REV1: variants seen among roughly 807,000 people sequenced by gnomAD.
REV1 encodes REV1 DNA directed polymerase, also known as translesion synthesis protein REV1.
REV1 carries 42 observed loss-of-function variants against 137.4 expected under a neutral mutation model. The observed-to-expected ratio is 0.31, with a 90% CI of 0.24 to 0.40. REV1 has a LOEUF of 0.40. Ranked by LOEUF, REV1 falls within the 10% of genes least tolerant of loss-of-function variation. The pLI is 1.00. For missense variants in REV1, 1,282 were observed against 1,490.1 expected, an observed-to-expected ratio of 0.86 and a Z score of 2.30; for synonymous variants, 524 against 519.2, an observed-to-expected ratio of 1.01 and a Z score of -0.12.
chr2:99,439,986 C>CA (rs1202397940), intron 5 of REV1, among the ~76,000 whole-genome samples: 1 of 152,102 alleles, frequency 6.6e-6, no homozygotes, highest in African/African-American at 2.4e-5. Flanking sequence ...AAAGCCATGT[C>CA]AATGTGTGGG....
chr2:99,438,812 C>T lies in REV1; in HGVS notation c.1002G>A (p.Lys334=). 1 of 1,614,204 alleles carries T rather than the reference C, an allele frequency of 6.2e-7. No homozygotes were observed. The change falls in exon 6 of 23, where the codon AAG becomes AAA. Residue 334 remains lysine (K), a synonymous_variant. Transcript: ENST00000258428. ...KSTSSVSTFS[K]AAPSVPSKPS... is the part of the protein sequence containing the mutation. The stretch of plus-strand genomic sequence containing the variant: ...GTTTGGATGGCACTGAAGGTGCTGC[C>T]TTGCTAAACGTAGATACTGAAGAAG...
intron 10 of REV1, among the ~76,000 whole-genome samples, 195 bp from the exon 11 acceptor site, chr2:99,421,848 T>C (rs959731273): frequency 6.6e-6 from 1 of 152,182 alleles, no homozygotes. Context: ...TTCTCCTTAT[T>C]AACTACCAAA....
In REV1 at chr2:99,439,058, C is replaced by T. The variant is rs201470289; in HGVS notation, c.756G>A (p.Arg252=). ...CCTCCTGGGAAAAGGCTGGAGAAAG[C>T]CTGCTGGCAACACTGTTGACCATGG... The part of the protein sequence containing the change: ...LVPMVNSVAS[R]LSPAFSQEED... The change falls in exon 6 of 23, where the codon AGG becomes AGA. Residue 252 remains arginine, a synonymous_variant. Coordinates refer to ENST00000258428, the MANE Select transcript of REV1 (RefSeq NM_016316.4). 6.2e-6 allele frequency: 10 copies of T among 1,613,982 alleles called. No individual in the cohort carries two copies. The highest frequency in any genetic ancestry group is 5.1e-6 in the Non-Finnish European group (6 of 1,179,996).
chr2:99,446,099 T>A (rs1682171872), intron 4 of REV1, among the ~76,000 whole-genome samples: 1 of 152,194 alleles, frequency 6.6e-6, no homozygotes, highest in Non-Finnish European at 1.5e-5. Flanking sequence ...TACAATGACA[T>A]AATGGACTCC....
At chr2:99,431,726 A>C in intron 8 of REV1, 1 of 985,444 alleles carries the variant, frequency 1.0e-6, no homozygotes, top group Non-Finnish European at 1.2e-6. Context: ...GTTCCTCTCC[A>C]TTGGGCTGGC....
chr2:99,445,906 A>G (rs1444528050), intron 4 of REV1, among the ~76,000 whole-genome samples: 1 of 152,238 alleles, frequency 6.6e-6, no homozygotes, highest in African/African-American at 2.4e-5. Flanking sequence ...TCCTTTTCAA[A>G]CTGCTCGAAT....
chr2:99,479,791 TAA>T (rs1686410951), intron 1 of REV1, among the ~76,000 whole-genome samples: 1 of 151,158 alleles, frequency 6.6e-6, no homozygotes, highest in Non-Finnish European at 1.5e-5. Context: ...ATAATAATAA[TAA>T]TAATAATAAT....
intron 1 of REV1, among the ~76,000 whole-genome samples, chr2:99,467,077 T>C (rs929638699): frequency 6.6e-6 from 1 of 152,168 alleles, no homozygotes; most frequent in Non-Finnish European, 1.5e-5. Context: ...GCTATTAAAC[T>C]GTTAAATAAA....
intron 3 of REV1, chr2:99,451,477 T>C (rs1682913593): frequency 1.5e-6 from 2 of 1,304,036 alleles, no homozygotes; most frequent in Non-Finnish European, 1.0e-6. Flanking sequence ...TATTCTTCAG[T>C]GTGAAGTGAA....
intron 6 of REV1, among the ~76,000 whole-genome samples, chr2:99,436,449 A>T (rs995551164): frequency 1.3e-5 from 2 of 152,174 alleles, no homozygotes; most frequent in Non-Finnish European, 2.9e-5. Context: ...GCCTATTATT[A>T]AATGGTTGAG....
At chr2:99,418,058 A>C (rs1478167206) in intron 12 of REV1, among the ~76,000 whole-genome samples, 2 of 152,204 alleles carry the variant, frequency 1.3e-5, no homozygotes. Context: ...TCTGTCGTTT[A>C]ATATTTATGG....
intron 1 of REV1, among the ~76,000 whole-genome samples, chr2:99,473,219 T>C (rs1177934011): frequency 6.6e-6 from 1 of 151,900 alleles, no homozygotes; most frequent in Admixed American, 6.6e-5. Context: ...AAAAAAAATA[T>C]TAGCTGGGAG....
Position 99,471,326 on chromosome 2 carries a change from C to T in REV1, c.-10-6341G>A, listed in dbSNP as rs556799862. On this transcript the variant is annotated intron_variant, in intron 1 of 22. Coordinates refer to ENST00000258428, the MANE Select transcript of REV1 (RefSeq NM_016316.4). ...TGTGTTTAAAAGAACCTCTTCATGA[C>T]CATTCAATGAGGAAAGGACAATCTT... 2.0e-4 allele frequency among the ~76,000 whole-genome samples: 30 copies of T among 152,200 alleles called. No homozygotes were observed. The South Asian group carries it at 6.0e-3, about 31-fold the overall frequency.
At chr2:99,445,965 G>A (rs1682154852) in intron 4 of REV1, among the ~76,000 whole-genome samples, 1 of 152,152 alleles carries the variant, frequency 6.6e-6, no homozygotes. Flanking sequence ...TTATTAAATA[G>A]CTAATACATG....
intron 3 of REV1, among the ~76,000 whole-genome samples, chr2:99,459,514 T>TG (rs1422645630): frequency 6.6e-6 from 1 of 152,162 alleles, no homozygotes; most frequent in East Asian, 1.9e-4. Context: ...CAGATCAGCC[T>TG]GGGAAACACA....
At chr2:99,408,589 T>C (rs1297500726) in intron 14 of REV1, among the ~76,000 whole-genome samples, 1 of 152,244 alleles carries the variant, frequency 6.6e-6, no homozygotes, top group Non-Finnish European at 1.5e-5. Flanking sequence ...TGTTGTTTCT[T>C]GACTCTCCTT....
intron 3 of REV1, among the ~76,000 whole-genome samples, chr2:99,450,856 G>C (rs924974380): frequency 6.6e-6 from 1 of 152,050 alleles, no homozygotes; most frequent in African/African-American, 2.4e-5. Context: ...ATTTAGAATA[G>C]CCATATTTCA....
chr2:99,463,880 T>TC (rs1377566672), intron 2 of REV1, among the ~76,000 whole-genome samples: 5 of 152,122 alleles, frequency 3.3e-5, no homozygotes, highest in African/African-American at 1.2e-4. Flanking sequence ...TGCCTGAGCC[T>TC]CCCAAAGTGC....
At chr2:99,473,572 A>G (rs1685651342) in intron 1 of REV1, among the ~76,000 whole-genome samples, 1 of 152,196 alleles carries the variant, frequency 6.6e-6, no homozygotes, top group African/African-American at 2.4e-5. Context: ...TTAAAAATAT[A>G]CAAGTCTAAG....
Sources: allele counts gnomAD v4.1 joint callset (sites outside exome capture counted in the v4.1 genomes callset), GRCh38; gene constraint gnomAD v4.1.1; transcripts MANE v1.5; gene names NCBI Gene and HGNC (gene_info 2026-07-23, HGNC 2026-07-21).